Variants in INPP5F observed in about 807,000 individuals in gnomAD.
INPP5F encodes phosphatidylinositide 4-phosphatase SAC2.
A neutral mutation model predicts 137.2 loss-of-function variants in INPP5F; 97 were observed. That is an observed-to-expected ratio of 0.71 (90% CI 0.60 to 0.84). The LOEUF is 0.84. INPP5F is among the 40% of genes least tolerant of loss of function. The pLI, the probability that INPP5F is intolerant of heterozygous loss-of-function variation, is 0.00. For synonymous variants in INPP5F, 504 were observed against 476.9 expected, an observed-to-expected ratio of 1.06 and a Z score of -0.74; for missense variants, 1,271 against 1,371.9, an observed-to-expected ratio of 0.93 and a Z score of 1.16.
intron 9 of INPP5F, among the ~76,000 whole-genome samples, chr10:119,803,807 T>C (rs573470039): frequency 2.8e-4 from 42 of 152,346 alleles, no homozygotes; most frequent in African/African-American, 9.9e-4. Flanking sequence ...TCAGCAGCAT[T>C]TTATCATGTT....
intron 13 of INPP5F, 125 bp from the exon 14 acceptor site, chr10:119,809,975 T>A: frequency 1.6e-6 from 1 of 638,140 alleles, no homozygotes; most frequent in East Asian, 2.7e-5. Context: ...TTGAAAATTA[T>A]AGAAGTCAGA....
intron 15 of INPP5F, chr10:119,819,486 G>C: frequency 6.2e-7 from 1 of 1,602,380 alleles, no homozygotes; most frequent in Non-Finnish European, 8.5e-7. Context: ...ATATTAAAAT[G>C]TGTCATGACG....
At chr10:119,820,778 G>T in intron 15 of INPP5F, 68 bp from the exon 16 acceptor site, 1 of 1,317,322 alleles carries the variant, frequency 7.6e-7, no homozygotes, top group African/African-American at 1.4e-5. Flanking sequence ...CTCTGCTGTA[G>T]AAATATGCTT....
In INPP5F at chr10:119,726,138, C is replaced by G. The variant is rs1261550382; in HGVS notation, c.-125C>G. The G allele has an allele frequency of 2.1e-6, 1 of 481,558 alleles. No homozygotes were observed. Among genetic ancestry groups the G allele is most frequent in the Non-Finnish European group, 3.3e-6 (1 of 301,392 alleles). 29.8% of individuals were successfully genotyped at this position (481,558 alleles called of 1,614,324 possible). ...GGGTGCCCCGGGGCGTTCCCTCTGC[C>G]GCTGCTTCTCGGCGCGGTTCCTACC... On this transcript the variant is annotated 5_prime_UTR_variant, in exon 1 of 20. Transcript: ENST00000650623.
At chr10:119,741,629 G>T (rs1421977315) in intron 1 of INPP5F, among the ~76,000 whole-genome samples, 1 of 152,122 alleles carries the variant, frequency 6.6e-6, no homozygotes, top group African/African-American at 2.4e-5. Flanking sequence ...ACGCCTCCTG[G>T]GTTCAAGCCG....
chr10:119,807,786 T>C, intron 12 of INPP5F, 146 bp from the exon 13 acceptor site: 2 of 655,038 alleles, frequency 3.1e-6, no homozygotes. Context: ...AAGCACTACT[T>C]TATTAAAAAT....
chr10:119,806,363 T>G lies in INPP5F; in HGVS notation c.1323T>G (p.Val441=). Residue 441 remains valine, a synonymous_variant, in exon 12 of 20, where the codon GTT becomes GTG. Transcript: ENST00000650623. ...ATTCTGTATTATTTTTAAAAAGGGTTGATGAAGCTGGGGTAATATGTAAGC... is the reference window on the plus strand; with the variant it reads ...ATTCTGTATTATTTTTAAAAAGGGTGGATGAAGCTGGGGTAATATGTAAGC... ...DIILDMKWCW[V]DEAGVICKQE... 6.5e-7 allele frequency: 1 copy of G among 1,542,006 alleles called. No homozygotes were observed. Among genetic ancestry groups the G allele is most frequent in the Non-Finnish European group, 8.8e-7 (1 of 1,141,746 alleles).
rs1470439380 is a variant in INPP5F, at chr10:119,748,475, G to T, written c.98-2601G>T. Among the ~76,000 whole-genome samples, 1 of 152,154 alleles carries T rather than the reference G, an allele frequency of 6.6e-6. No individual in the cohort carries two copies. Among genetic ancestry groups the T allele is most frequent in the Non-Finnish European group, 1.5e-5 (1 of 68,024 alleles). On this transcript the variant is annotated intron_variant, in intron 1 of 19. Transcript: ENST00000650623. The surrounding 1 kb of genome is among the most constrained non-coding windows in gnomAD (Gnocchi z 4.7). ...TTCAGTCCCACCATTCAGGGGTCCC[G>T]TGTCCAGGAAGAATGAGGTATGCAA...
chr10:119,745,575 G>A (rs932202601), intron 1 of INPP5F, among the ~76,000 whole-genome samples: 16 of 87,528 alleles, frequency 1.8e-4, no homozygotes, highest in African/African-American at 6.3e-4. Flanking sequence ...CTGAAAACAC[G>A]ATTTAACTTT....
At chr10:119,732,859 A>T (rs1282438196) in intron 1 of INPP5F, among the ~76,000 whole-genome samples, 1 of 152,044 alleles carries the variant, frequency 6.6e-6, no homozygotes, top group Admixed American at 6.6e-5. Context: ...CATGACCTTT[A>T]CATGTATTAT....
At chr10:119,733,242 GT>G (rs1848134614) in intron 1 of INPP5F, among the ~76,000 whole-genome samples, 2 of 152,200 alleles carry the variant, frequency 1.3e-5, no homozygotes, top group Admixed American at 1.3e-4. Flanking sequence ...GTGATAACTA[GT>G]TTGTTTGTTG....
At chr10:119,794,893 C>CG (rs1850293336) in intron 6 of INPP5F, among the ~76,000 whole-genome samples, 1 of 97,156 alleles carries the variant, frequency 1.0e-5, no homozygotes, top group Non-Finnish European at 2.2e-5. Flanking sequence ...GCTGGCCGGG[C>CG]GGGGGGCTGA....
At chr10:119,768,319 TCTGGGCTGGAGTGAG>T (rs1849235686) in intron 2 of INPP5F, 1 of 152,176 alleles carries the variant, frequency 6.6e-6, no homozygotes, top group Non-Finnish European at 1.5e-5. Flanking sequence ...GCCCAGGAGT[TCTGGGCTGGAGTGAG>T]CTATGCTGAT....
At position 119,734,323 on chromosome 10, in the gene INPP5F, G is replaced by A. The variant is rs556527302; in HGVS notation, c.97+7964G>A. Among the ~76,000 whole-genome samples the A allele has an allele frequency of 5.9e-5, 9 of 152,176 alleles. 1 individual carries two copies. Among genetic ancestry groups the A allele is most frequent in the African/African-American group, 2.2e-4 (9 of 41,508 alleles). The stretch of plus-strand genomic sequence containing the variant: ...AACTAGTTTGATCAAACTAGTTTGG[G>A]GTATATCCCAACACATTGCCAACAC... On this transcript the variant is annotated intron_variant, in intron 1 of 19. Coordinates refer to ENST00000650623, the MANE Select transcript of INPP5F (RefSeq NM_014937.4).
chr10:119,749,402 G>C (rs1848630298), intron 1 of INPP5F, among the ~76,000 whole-genome samples: 1 of 152,272 alleles, frequency 6.6e-6, no homozygotes, highest in Non-Finnish European at 1.5e-5. Context: ...TAGCGCTGCA[G>C]TTTGGTATGT....
At chr10:119,765,938 A>G (rs1849154185) in intron 2 of INPP5F, among the ~76,000 whole-genome samples, 1 of 151,584 alleles carries the variant, frequency 6.6e-6, no homozygotes, top group South Asian at 2.1e-4. Context: ...TTACTTACAG[A>G]GATCTGTTAT....
chr10:119,780,971 G>A (rs1225317413), intron 2 of INPP5F, among the ~76,000 whole-genome samples: 1 of 152,198 alleles, frequency 6.6e-6, no homozygotes, highest in Non-Finnish European at 1.5e-5. Context: ...AGGGATGGCT[G>A]TATGTTAATA....
chr10:119,751,314 C>A (rs1848683929), intron 2 of INPP5F, among the ~76,000 whole-genome samples, 158 bp downstream of exon 2: 1 of 152,150 alleles, frequency 6.6e-6, no homozygotes, highest in African/African-American at 2.4e-5. Context: ...AGACCTGTTT[C>A]TACTCTTATG....
intron 2 of INPP5F, among the ~76,000 whole-genome samples, chr10:119,762,790 A>G (rs1302349226): frequency 6.6e-6 from 1 of 152,132 alleles, no homozygotes; most frequent in Non-Finnish European, 1.5e-5. Context: ...GGGTGACTGT[A>G]TGAATTTGTG....
Sources: allele counts gnomAD v4.1 joint callset (sites outside exome capture counted in the v4.1 genomes callset), GRCh38; gene constraint gnomAD v4.1.1; non-coding constraint Gnocchi (gnomAD v3.1); transcripts MANE v1.5; gene names NCBI Gene and HGNC (gene_info 2026-07-23, HGNC 2026-07-21).